PCDH11Y: variants seen among roughly 807,000 people sequenced by gnomAD.
PCDH11Y encodes the protein protocadherin-11 Y-linked.
For synonymous variants in PCDH11Y, 9 were observed against 83.6 expected (o/e 0.11, Z 4.87); for missense variants, 12 against 224.8 (o/e 0.05, Z 6.05).
intron 2 of PCDH11Y, among the ~76,000 whole-genome samples, chrY:5,399,557 A>G (rs2053230407): frequency 4.2e-5 from 1 of 23,917 alleles, no homozygotes; most frequent in Non-Finnish European, 9.4e-5. Context: ...CTGGAGTGCA[A>G]TGGCGCGATC....
intron 2 of PCDH11Y, among the ~76,000 whole-genome samples, chrY:5,363,100 ATAAT>A (rs2053176042): frequency 3.0e-5 from 1 of 32,954 alleles, no homozygotes; most frequent in Admixed American, 2.9e-4. Flanking sequence ...ATTAAAATTA[ATAAT>A]TAATGGATAT....
intron 2 of PCDH11Y, among the ~76,000 whole-genome samples, chrY:5,294,805 G>A (rs2053071677): frequency 3.1e-5 from 1 of 32,746 alleles, no homozygotes; most frequent in Non-Finnish European, 7.5e-5. Flanking sequence ...TGTTATACTC[G>A]TCTGTGTTTT....
At chrY:5,599,726 A>G (rs2053470726) in intron 4 of PCDH11Y, among the ~76,000 whole-genome samples, 1 of 33,402 alleles carries the variant, frequency 3.0e-5, no homozygotes, top group Non-Finnish European at 7.4e-5. Flanking sequence ...TCCAACTACA[A>G]TTGCATCATA....
intron 4 of PCDH11Y, among the ~76,000 whole-genome samples, chrY:5,733,420 T>C (rs2053607158): frequency 3.3e-5 from 1 of 30,244 alleles, no homozygotes; most frequent in South Asian, 8.2e-4. Flanking sequence ...CACTTGTCTT[T>C]GCTTCTGTAA....
At chrY:5,023,545 G>T in intron 1 of PCDH11Y, among the ~76,000 whole-genome samples, 1 of 34,092 alleles carries the variant, frequency 2.9e-5, no homozygotes, top group Non-Finnish European at 7.3e-5. Context: ...ACATGCATCT[G>T]CATGCACACA....
intron 2 of PCDH11Y, among the ~76,000 whole-genome samples, chrY:5,315,182 G>A (rs2053105837): frequency 3.1e-5 from 1 of 32,645 alleles, no homozygotes; most frequent in Non-Finnish European, 7.5e-5. Flanking sequence ...GAAAGTGGAG[G>A]CTAGGCCTTC....
At chrY:5,385,614 G>C in intron 2 of PCDH11Y, among the ~76,000 whole-genome samples, 1 of 33,311 alleles carries the variant, frequency 3.0e-5, no homozygotes, top group Non-Finnish European at 7.4e-5. Flanking sequence ...TGCATGTGCA[G>C]GTATTTTCAC....
At chrY:5,731,930 T>C in intron 4 of PCDH11Y, among the ~76,000 whole-genome samples, 1 of 31,689 alleles carries the variant, frequency 3.2e-5, no homozygotes, top group African/African-American at 1.2e-4. Context: ...TGCTTTAAAC[T>C]CTGTTTTATC....
chrY:5,479,031 C>T, intron 2 of PCDH11Y, among the ~76,000 whole-genome samples: 1 of 32,174 alleles, frequency 3.1e-5, no homozygotes, highest in African/African-American at 1.2e-4. Flanking sequence ...AACCCATTTA[C>T]ATTTAAGGTT....
At chrY:5,269,779 C>G in intron 2 of PCDH11Y, among the ~76,000 whole-genome samples, 2 of 32,296 alleles carry the variant, frequency 6.2e-5, no homozygotes, top group Non-Finnish European at 1.5e-4. Context: ...TCAATTACAC[C>G]TGGTACCTGC....
chrY:5,076,224 C>T, intron 1 of PCDH11Y, among the ~76,000 whole-genome samples: 1 of 33,314 alleles, frequency 3.0e-5, no homozygotes, highest in Non-Finnish European at 7.4e-5. Context: ...CGAGAAATGC[C>T]TATTCAAATC....
At chrY:5,189,826 A>G in intron 2 of PCDH11Y, among the ~76,000 whole-genome samples, 1 of 33,445 alleles carries the variant, frequency 3.0e-5, no homozygotes, top group Non-Finnish European at 7.4e-5. Context: ...CTTTATTTTA[A>G]TGACTTATAA....
chrY:5,222,079 A>G, intron 2 of PCDH11Y, among the ~76,000 whole-genome samples: 1 of 33,929 alleles, frequency 2.9e-5, no homozygotes, highest in Non-Finnish European at 7.3e-5. Flanking sequence ...AATGAGTTGT[A>G]TATTTATTGA....
intron 2 of PCDH11Y, among the ~76,000 whole-genome samples, chrY:5,212,996 CT>C (rs2052941033): frequency 4.2e-4 from 11 of 26,463 alleles, no homozygotes; most frequent in African/African-American, 1.5e-3. Context: ...TTGTCTTAAT[CT>C]TTTTTTCCCC....
chrY:5,687,582 C>T (rs2053564583), intron 4 of PCDH11Y, among the ~76,000 whole-genome samples: 1 of 23,847 alleles, frequency 4.2e-5, no homozygotes, highest in Non-Finnish European at 9.4e-5. Context: ...CCAGCCTGGG[C>T]GACAGAGTGA....
At chrY:5,529,359 G>A in intron 3 of PCDH11Y, among the ~76,000 whole-genome samples, 1 of 32,252 alleles carries the variant, frequency 3.1e-5, no homozygotes, top group Non-Finnish European at 7.6e-5. Context: ...GAGGAAGTGG[G>A]AATGGTTAAT....
chrY:5,291,170 T>C (rs2053066911), intron 2 of PCDH11Y, among the ~76,000 whole-genome samples: 29 of 32,438 alleles, frequency 8.9e-4, no homozygotes, highest in Admixed American at 2.9e-3. Flanking sequence ...TTCCTAGGTA[T>C]TTCATTTTAT....
intron 3 of PCDH11Y, among the ~76,000 whole-genome samples, chrY:5,541,639 A>G: frequency 3.1e-5 from 1 of 32,460 alleles, no homozygotes; most frequent in African/African-American, 1.2e-4. Flanking sequence ...TTGAATGGCT[A>G]GCACTCCATG....
chrY:5,045,007 CT>C (rs2052630911), intron 3 of PCDH11Y, among the ~76,000 whole-genome samples: 6 of 32,962 alleles, frequency 1.8e-4, no homozygotes, highest in South Asian at 6.9e-4. Context: ...ATGTGTGTCT[CT>C]GCACCTGAGA....
Sources: allele counts gnomAD v4.1 joint callset (sites outside exome capture counted in the v4.1 genomes callset), GRCh38; gene constraint gnomAD v4.1.1; transcripts MANE v1.5; gene names NCBI Gene and HGNC (gene_info 2026-07-23, HGNC 2026-07-21).